The following CLCN4 variants were observed in gnomAD, a reference collection of about 807,000 sequenced individuals.
The protein encoded by CLCN4 is H(+)/Cl(-) exchange transporter 4.
Under a neutral mutation model 41.7 loss-of-function variants are expected in CLCN4, and 1 was observed. The observed-to-expected ratio is 0.02, with a 90% confidence interval of 0.01 to 0.11. CLCN4 has a LOEUF of 0.11. Ranked by LOEUF, CLCN4 falls within the 10% of genes least tolerant of loss-of-function variation. The pLI, the probability that CLCN4 is intolerant of heterozygous loss-of-function variation, is 1.00. For missense variants in CLCN4, 287 were observed against 661.0 expected (o/e 0.43, Z 6.20); for synonymous variants, 277 against 285.8 (o/e 0.97, Z 0.31).
rs139482333 is a variant in CLCN4, at chrX:10,161,767, G to A, written c.-12+3216G>A. 2.6e-3 allele frequency among the ~76,000 whole-genome samples: 287 copies of A among 111,389 alleles called. 4 individuals are homozygous for A. Among genetic ancestry groups the A allele is most frequent in the Admixed American group, 0.021 (218 of 10,538 alleles). ...CAAGTAATGAACTTCCAATGAATACGTCTAGCAAGGGGTGGGGGAGAGGCA... is the reference window on the plus strand; with the variant it reads ...CAAGTAATGAACTTCCAATGAATACATCTAGCAAGGGGTGGGGGAGAGGCA... On this transcript the variant is annotated intron_variant, in intron 2 of 12. Coordinates refer to ENST00000380833, the MANE Select transcript of CLCN4 (RefSeq NM_001830.4).
rs746305944 is a variant in CLCN4 at position 10,233,620 on chromosome X, C to T, written c.*36C>T. 9.1e-6 allele frequency: 9 copies of T among 986,085 alleles called. No homozygotes were observed. Among genetic ancestry groups the T allele is most frequent in the Admixed American group, 8.9e-5 (4 of 45,064 alleles). The allele number at this position is 986,085 out of a possible 1,213,427, so 81.3% of individuals were successfully genotyped here. On this transcript the variant is annotated 3_prime_UTR_variant, in exon 13 of 13. Transcript: ENST00000380833. ...GCAATTATTTTCAGAAAAACACTGA[C>T]TGTGTCATTTAAAAAGAAATAAATG...
Position 10,233,660 on chromosome X carries a change from C to T in CLCN4, c.*76C>T. 1 of 841,007 alleles carries T rather than the reference C, an allele frequency of 1.2e-6. No homozygotes were observed. The allele number at this position is 841,007 out of a possible 1,213,427, so 69.3% of individuals were successfully genotyped here. ...AGAAATAAATGATATGTTATTATCC[C>T]AATGAAAGATCATGCATTGGGGACA... On this transcript the variant is annotated 3_prime_UTR_variant, in exon 13 of 13. Transcript: ENST00000380833.
intron 2 of CLCN4, among the ~76,000 whole-genome samples, chrX:10,180,616 A>T (rs1312610438): frequency 9.2e-6 from 1 of 109,134 alleles, no homozygotes. Context: ...AAAAATACAA[A>T]ATTAGCTGGG....
At chrX:10,176,064 G>T (rs1923526507) in intron 2 of CLCN4, among the ~76,000 whole-genome samples, 1 of 110,655 alleles carries the variant, frequency 9.0e-6, no homozygotes, top group African/African-American at 3.3e-5. Context: ...TAGTTGCATT[G>T]TTGGGTTTCT....
intron 12 of CLCN4, among the ~76,000 whole-genome samples, chrX:10,228,467 C>G (rs1320771945): frequency 1.8e-5 from 2 of 110,853 alleles, no homozygotes; most frequent in South Asian, 7.6e-4. Flanking sequence ...CCCTCTGGGA[C>G]CAACGACAGT....
In CLCN4 at chrX:10,231,385, CCAATATCCAGTTGAT is replaced by C. The variant is rs1925123290; in HGVS notation, c.2193-2108_2193-2094del. 5.4e-5 allele frequency among the ~76,000 whole-genome samples: 6 copies of C among 111,647 alleles called. No homozygotes were observed. In the Admixed American group the frequency reaches 5.7e-4, roughly 11 times the overall value. ...AATTAACAGTAACTCAATATATCAT[CCAATATCCAGTTGAT>C]ATTCATTCAAATATCAACTCAGAAT... On this transcript the variant is annotated intron_variant, in intron 12 of 12. Transcript: ENST00000380833.
At chrX:10,214,220 G>A (rs1489149249) in intron 11 of CLCN4, 141 bp downstream of exon 11, 4 of 635,683 alleles carry the variant, frequency 6.3e-6, no homozygotes, top group Non-Finnish European at 9.1e-6. Flanking sequence ...GTCACCCAGG[G>A]GTCTGGCTCA....
Position 10,176,331 on chromosome X carries a change from T to A in CLCN4, c.-11-8691T>A, listed in dbSNP as rs185539089. ...GCCAGATCCAGCCTGTTCCTGTTTT[T>A]GTAAATAAAGTGTTGTCAGCAGGCA... is the stretch of plus-strand genomic sequence containing the variant. On this transcript the variant is annotated intron_variant, in intron 2 of 12. Transcript: ENST00000380833. 1.9e-3 allele frequency among the ~76,000 whole-genome samples: 219 copies of A among 112,490 alleles called. 1 individual carries two copies. Among genetic ancestry groups the A allele is most frequent in the African/African-American group, 6.8e-3 (212 of 30,967 alleles).
chrX:10,203,109 C>G, intron 6 of CLCN4, among the ~76,000 whole-genome samples: 1 of 112,206 alleles, frequency 8.9e-6, no homozygotes. Flanking sequence ...CAATTCACCA[C>G]ATGTCATGGC....
At chrX:10,180,983 C>T (rs1386202287) in intron 2 of CLCN4, among the ~76,000 whole-genome samples, 3 of 109,675 alleles carry the variant, frequency 2.7e-5, no homozygotes, top group Non-Finnish European at 1.9e-5. Flanking sequence ...GCTCCAGCCC[C>T]TGTCTGACCA....
intron 12 of CLCN4, among the ~76,000 whole-genome samples, chrX:10,224,488 C>T (rs1924941393): frequency 9.1e-6 from 1 of 109,385 alleles, no homozygotes; most frequent in South Asian, 3.9e-4. Context: ...AAAAAAAAAG[C>T]CAAGGAGCTT....
chrX:10,159,611 A>T (rs967841355), intron 2 of CLCN4, among the ~76,000 whole-genome samples: 1 of 110,929 alleles, frequency 9.0e-6, no homozygotes, highest in Non-Finnish European at 1.9e-5. Context: ...GAATAATTTG[A>T]CCAACCAGCA....
rs12396689 is a variant in CLCN4, at chrX:10,200,066, T to A, written c.555+2005T>A. Among the ~76,000 whole-genome samples the A allele has an allele frequency of 3.5e-3, 397 of 112,404 alleles. 2 individuals are homozygous for A. The highest frequency in any genetic ancestry group is 0.013 in the African/African-American group (388 of 30,984). On this transcript the variant is annotated intron_variant, in intron 6 of 12. Transcript: ENST00000380833. The stretch of plus-strand genomic sequence containing the variant: ...ACGCCTGGCCTTCTTGTTTTTTTAT[T>A]GTTTTATATAGAGACGAGGTCTCAC...
intron 11 of CLCN4, among the ~76,000 whole-genome samples, chrX:10,214,321 C>T (rs1418079370): frequency 1.8e-5 from 2 of 112,683 alleles, no homozygotes; most frequent in African/African-American, 3.2e-5. Context: ...CTGGTCCCCA[C>T]GTCACACTGT....
At position 10,235,587 on chromosome X, in the gene CLCN4, C is replaced by A. The variant is rs1448212333; in HGVS notation, c.*2003C>A. 1 of 111,639 alleles carries A rather than the reference C, an allele frequency of 9.0e-6. No homozygotes were observed. The highest frequency in any genetic ancestry group is 1.9e-5 in the Non-Finnish European group (1 of 53,133). 9.2% of individuals were successfully genotyped at this position (111,639 alleles called of 1,213,427 possible). ...TTTCTCAGATTTGACCTAGAATTCC[C>A]AGCCCAAATCCATAATTTCTTAGCT... is the stretch of plus-strand genomic sequence containing the variant. On this transcript the variant is annotated 3_prime_UTR_variant, in exon 13 of 13. Transcript: ENST00000380833.
chrX:10,173,975 A>G (rs1235517785), intron 2 of CLCN4, among the ~76,000 whole-genome samples: 2 of 112,012 alleles, frequency 1.8e-5, no homozygotes, highest in African/African-American at 6.5e-5. Context: ...CTGTGCATTT[A>G]GGACGCTGGG....
At chrX:10,173,476 C>T (rs1355109947) in intron 2 of CLCN4, among the ~76,000 whole-genome samples, 4 of 111,032 alleles carry the variant, frequency 3.6e-5, no homozygotes, top group Non-Finnish European at 7.6e-5. Flanking sequence ...GCACCCCGGG[C>T]TGGGAACCGT....
intron 2 of CLCN4, among the ~76,000 whole-genome samples, chrX:10,174,211 C>T (rs12853933): frequency 0.21 from 23,343 of 111,416 alleles, 2,419 homozygotes; most frequent in East Asian, 0.85. Flanking sequence ...TCCTTTCTCC[C>T]CCTCGTCCAT....
chrX:10,191,692 A>ATTTTTTTTTTTTTTTTTTTTTTT lies in CLCN4; in HGVS notation c.245-3213_245-3191dup, dbSNP rs760315418. 8.0e-5 allele frequency among the ~76,000 whole-genome samples: 4 copies of ATTTTTTTTTTTTTTTTTTTTTTT among 49,768 alleles called. 1 individual carries two copies. Among genetic ancestry groups the ATTTTTTTTTTTTTTTTTTTTTTT allele is most frequent in the African/African-American group, 3.7e-4 (4 of 10,846 alleles). 43.2% of individuals were successfully genotyped at this position (49,768 alleles called of 115,157 possible). On this transcript the variant is annotated intron_variant, in intron 4 of 12. Coordinates refer to ENST00000380833, the MANE Select transcript of CLCN4 (RefSeq NM_001830.4). ...AGGCGCGTGCCACCATATCTGGTTA[A>ATTTTTTTTTTTTTTTTTTTTTTT]TTTTTTTTTTTTTTTTTTTTTTTTT...
Sources: allele counts gnomAD v4.1 joint callset (sites outside exome capture counted in the v4.1 genomes callset), GRCh38; gene constraint gnomAD v4.1.1; transcripts MANE v1.5; gene names NCBI Gene and HGNC (gene_info 2026-07-23, HGNC 2026-07-21).